Variants in ARFGEF3 observed in about 807,000 individuals in gnomAD.
ARFGEF3 encodes brefeldin A-inhibited guanine nucleotide-exchange protein 3.
Under a neutral mutation model 221.7 loss-of-function variants are expected in ARFGEF3, and 96 were observed. The observed-to-expected ratio is 0.43, with a 90% CI of 0.37 to 0.51. The LOEUF (loss-of-function observed/expected upper bound fraction) is 0.51. Ranked by LOEUF, ARFGEF3 falls within the 20% of genes least tolerant of loss-of-function variation. ARFGEF3 has a pLI of 0.00. For synonymous variants in ARFGEF3, 1,145 were observed against 1,126.8 expected, an observed-to-expected ratio of 1.02 and a Z score of -0.32; for missense variants, 2,410 against 2,789.9, an observed-to-expected ratio of 0.86 and a Z score of 3.07.
chr6:138,260,301 A>G (rs1305474163), intron 10 of ARFGEF3, among the ~76,000 whole-genome samples: 1 of 152,200 alleles, frequency 6.6e-6, no homozygotes, highest in East Asian at 1.9e-4. Flanking sequence ...TTAAAATACA[A>G]CTTCTTCTAT....
chr6:138,201,951 G>A (rs1393316797), intron 2 of ARFGEF3, among the ~76,000 whole-genome samples: 1 of 152,108 alleles, frequency 6.6e-6, no homozygotes, highest in Non-Finnish European at 1.5e-5. Flanking sequence ...AATAAAGCTG[G>A]TCTGTTAACC....
intron 5 of ARFGEF3, among the ~76,000 whole-genome samples, chr6:138,231,046 G>A (rs974583848): frequency 4.1e-4 from 62 of 152,282 alleles, no homozygotes; most frequent in Admixed American, 3.7e-3. Flanking sequence ...GGAACTGGGG[G>A]GAAGGGGAGA....
At chr6:138,305,526 C>T (rs553992548) in intron 22 of ARFGEF3, among the ~76,000 whole-genome samples, 4 of 151,012 alleles carry the variant, frequency 2.6e-5, no homozygotes, top group South Asian at 2.1e-4. Context: ...TGGGAAGATT[C>T]CTTGAACCCA....
chr6:138,224,766 G>A (rs1778049245), intron 4 of ARFGEF3, among the ~76,000 whole-genome samples: 1 of 152,198 alleles, frequency 6.6e-6, no homozygotes, highest in African/African-American at 2.4e-5. Flanking sequence ...ATGTGTGTAA[G>A]TATACAGATT....
chr6:138,251,888 A>G lies in ARFGEF3; in HGVS notation c.666-1992A>G, dbSNP rs192081581. 1.4e-3 allele frequency among the ~76,000 whole-genome samples: 209 copies of G among 152,216 alleles called. 1 individual carries two copies. The South Asian group carries it at 0.023, about 16-fold the overall frequency. ...ACCAGTGCTTTATCTACTTGCTTAT[A>G]TGTCTGTCCAGTCCCGTAAGAGTGA... On this transcript the variant is annotated intron_variant, in intron 8 of 33. Coordinates refer to ENST00000251691, the MANE Select transcript of ARFGEF3 (RefSeq NM_020340.5).
chr6:138,235,357 C>CT (rs1209331682), intron 5 of ARFGEF3, among the ~76,000 whole-genome samples: 1 of 152,184 alleles, frequency 6.6e-6, no homozygotes, highest in Non-Finnish European at 1.5e-5. Flanking sequence ...GATCAGGTGC[C>CT]TATAGGGCTT....
In ARFGEF3 at chr6:138,210,015, G is replaced by A; in HGVS notation, c.325G>A (p.Glu109Lys). The change falls in exon 4 of 34, where the codon GAG becomes AAG. Residue 109 changes from glutamate (E) to lysine (K), a missense_variant. This residue lies in a region of ARFGEF3 where 570 missense variants were observed against 586.9 expected (regional missense o/e 0.97). Transcript: ENST00000251691. ...NAVKVTPSLN[E>K]DLQVEVMKVL... ...CGTGAAAGTGACGCCTTCGCTCAAC[G>A]AGGACCTGCAGGTGGAAGTGATGAA... is the stretch of plus-strand genomic sequence containing the variant. The A allele has an allele frequency of 6.2e-7, 1 of 1,613,764 alleles. No individual in the cohort carries two copies. The highest frequency in any genetic ancestry group is 1.3e-5 in the African/African-American group (1 of 75,032).
chr6:138,296,980 G>A lies in ARFGEF3; in HGVS notation c.3648+25G>A, dbSNP rs371000204. Reference sequence around the variant, plus strand: ...GGTGAGCACTGGGAAGGTGGGAAGAGGCTGGAACTGCTAAGTCAGTGACCA... The same window carrying A: ...GGTGAGCACTGGGAAGGTGGGAAGAAGCTGGAACTGCTAAGTCAGTGACCA... On this transcript the variant is annotated intron_variant, in intron 21 of 33. Coordinates refer to ENST00000251691, the MANE Select transcript of ARFGEF3 (RefSeq NM_020340.5). The A allele has an allele frequency of 3.0e-4, 483 of 1,597,378 alleles. 1 individual carries two copies. The highest frequency in any genetic ancestry group is 6.1e-4 in the Admixed American group (35 of 57,304).
intron 6 of ARFGEF3, 36 bp downstream of exon 6, chr6:138,238,667 T>C: frequency 3.1e-6 from 5 of 1,605,562 alleles, no homozygotes; most frequent in Non-Finnish European, 2.6e-6. Context: ...ATCACCTTCC[T>C]GGTGGTGTCT....
At chr6:138,267,599 T>C (rs1160516977) in intron 12 of ARFGEF3, among the ~76,000 whole-genome samples, 4 of 152,198 alleles carry the variant, frequency 2.6e-5, no homozygotes. Context: ...TCATTTCTTA[T>C]AAGAATTAAG....
At chr6:138,210,975 A>G (rs1777717101) in intron 4 of ARFGEF3, among the ~76,000 whole-genome samples, 2 of 152,112 alleles carry the variant, frequency 1.3e-5, no homozygotes, top group African/African-American at 4.8e-5. Context: ...AGTTCAGGTG[A>G]TGATTAAGAG....
intron 2 of ARFGEF3, among the ~76,000 whole-genome samples, chr6:138,174,559 A>AT (rs1372869711): frequency 2.3e-5 from 3 of 128,614 alleles, no homozygotes; most frequent in Non-Finnish European, 3.2e-5. Flanking sequence ...TGGATATGTT[A>AT]TTTTTTCTTC....
At chr6:138,224,694 C>T (rs1237865684) in intron 4 of ARFGEF3, among the ~76,000 whole-genome samples, 2 of 152,142 alleles carry the variant, frequency 1.3e-5, no homozygotes, top group African/African-American at 2.4e-5. Flanking sequence ...TGGCAGGCAT[C>T]ACAAAAGGTA....
chr6:138,324,082 G>A lies in ARFGEF3; in HGVS notation c.4929G>A (p.Val1643=), dbSNP rs1562216548. ...TESFSGEGCQ[V]RVAAPSSSPS... ...GCTTCAGCGGGGAAGGCTGCCAGGTGCGAGTGGCGGCCCCGTCCTCCTCCC... is the reference window on the plus strand; with the variant it reads ...GCTTCAGCGGGGAAGGCTGCCAGGTACGAGTGGCGGCCCCGTCCTCCTCCC... Residue 1643 remains valine, a synonymous_variant, in exon 31 of 34, where the codon GTG becomes GTA. Coordinates refer to ENST00000251691, the MANE Select transcript of ARFGEF3 (RefSeq NM_020340.5). 5.6e-6 allele frequency: 9 copies of A among 1,613,782 alleles called. No homozygotes were observed. In the South Asian group the frequency reaches 6.6e-5, roughly 12 times the overall value.
chr6:138,207,858 G>A (rs1338130425), intron 3 of ARFGEF3, among the ~76,000 whole-genome samples: 1 of 152,156 alleles, frequency 6.6e-6, no homozygotes, highest in East Asian at 1.9e-4. Context: ...CTGCTTCATA[G>A]TTAGCTTTTT....
Position 138,207,086 on chromosome 6 carries a change from A to ATGTGAAGC in ARFGEF3, c.185_192dup (p.Ala65Ter). 3 of 1,611,724 alleles carry ATGTGAAGC rather than the reference A, an allele frequency of 1.9e-6. No individual in the cohort carries two copies. The highest frequency in any genetic ancestry group is 2.5e-6 in the Non-Finnish European group (3 of 1,179,106). ...CTCCAGTTGGCTTTGGAATCCAAGA[A>ATGTGAAGC]TGTGAAGCTGGCCCAACATGCTTTG... On this transcript the variant is annotated frameshift_variant, in exon 3 of 34. Coordinates refer to ENST00000251691, the MANE Select transcript of ARFGEF3 (RefSeq NM_020340.5). LOFTEE classifies it high-confidence loss of function.
intron 22 of ARFGEF3, among the ~76,000 whole-genome samples, chr6:138,303,203 G>A (rs1020293510): frequency 1.3e-5 from 2 of 152,112 alleles, no homozygotes; most frequent in Non-Finnish European, 2.9e-5. Context: ...GAAGATTCAT[G>A]TTATAATCCC....
chr6:138,198,258 A>AG (rs1777468516), intron 2 of ARFGEF3, among the ~76,000 whole-genome samples: 1 of 152,186 alleles, frequency 6.6e-6, no homozygotes, highest in African/African-American at 2.4e-5. Flanking sequence ...TTGCTAAAAA[A>AG]CCTTGAAAGC....
At chr6:138,270,968 C>A (rs559625031) in intron 12 of ARFGEF3, among the ~76,000 whole-genome samples, 3 of 152,136 alleles carry the variant, frequency 2.0e-5, no homozygotes, top group Admixed American at 6.5e-5. Flanking sequence ...GCCACAGACT[C>A]CAAGCCAGGG....
Sources: allele counts gnomAD v4.1 joint callset (sites outside exome capture counted in the v4.1 genomes callset), GRCh38; gene constraint gnomAD v4.1.1; regional missense constraint gnomAD v4.1.1; transcripts MANE v1.5; gene names NCBI Gene and HGNC (gene_info 2026-07-23, HGNC 2026-07-21).